MYH6: variants seen among roughly 807,000 people sequenced by gnomAD.
The protein encoded by MYH6 is myosin heavy chain 6.
MYH6 carries 126 observed loss-of-function variants against 223.2 expected under a neutral mutation model. That is an observed-to-expected ratio of 0.56 (90% confidence interval 0.49 to 0.65). The LOEUF (loss-of-function observed/expected upper bound fraction) is 0.65, where lower values mean the gene tolerates loss of function less well. Among genes scored for constraint, MYH6 ranks in the 30% least tolerant of loss-of-function variants. The probability of loss-of-function intolerance (pLI) is 0.00; values close to 1 mark genes in which losing one functional copy is unlikely to be tolerated. For missense variants in MYH6, 2,040 were observed against 2,536.4 expected, an observed-to-expected ratio of 0.80 and a Z score of 4.20; for synonymous variants, 978 against 1,010.2, an observed-to-expected ratio of 0.97 and a Z score of 0.61.
At chr14:23,386,801 G>T (rs764617093) in intron 32 of MYH6, among the ~76,000 whole-genome samples, 178 bp from the exon 33 acceptor site, 21 of 152,152 alleles carry the variant, frequency 1.4e-4, no homozygotes, top group Non-Finnish European at 2.9e-4. Context: ...GAAAGTGCTG[G>T]ACTCTCTGGG....
At chr14:23,402,674 G>A (rs200656077) in intron 11 of MYH6, 23 bp downstream of exon 11, 1 of 1,613,554 alleles carries the variant, frequency 6.2e-7, no homozygotes, top group Non-Finnish European at 8.5e-7. Context: ...CCCTCGAACG[G>A]CCGCAGCAGC....
chr14:23,389,072 G>GGGC lies in MYH6; in HGVS notation c.3979-18_3979-17insGCC. ...GTTCTTCGCCTGGGGAGGGGGGGGG[G>GGGC]CACCAGGAGGTGGGAGGGACTCCCT... On this transcript the variant is annotated splice_polypyrimidine_tract_variant and intron_variant, in intron 28 of 38. Coordinates refer to ENST00000405093, the MANE Select transcript of MYH6 (RefSeq NM_002471.4). 1.8e-6 allele frequency: 2 copies of GGGC among 1,135,178 alleles called. No homozygotes were observed. The highest frequency in any genetic ancestry group is 2.6e-6 in the Non-Finnish European group (2 of 774,158). 70.3% of individuals were successfully genotyped at this position (1,135,178 alleles called of 1,614,324 possible).
In MYH6 at chr14:23,397,562, G is replaced by A. The variant is rs2138605581; in HGVS notation, c.1943C>T (p.Thr648Met). 1.2e-6 allele frequency: 2 copies of A among 1,614,202 alleles called. No homozygotes were observed. Among genetic ancestry groups the A allele is most frequent in the Non-Finnish European group, 8.5e-7 (1 of 1,180,046 alleles). Residue 648 changes from threonine to methionine, a missense_variant, in exon 16 of 39, where the codon ACG (threonine) becomes ATG (methionine). By Grantham distance (81) the Thr-to-Met change is moderately conservative (BLOSUM62 -1). Transcript: ENST00000405093. ...GGKKKGSSFQ[T>M]VSALHRENLN... is the part of the protein sequence containing the mutation. Reference sequence around the variant, plus strand: ...TCTTACCCGGTGGAGAGCCGACACCGTCTGGAAGGATGAGCCCTTTTTCTT... The same window carrying A: ...TCTTACCCGGTGGAGAGCCGACACCATCTGGAAGGATGAGCCCTTTTTCTT...
chr14:23,393,890 CATT>C lies in MYH6; in HGVS notation c.2701_2703del (p.Asn901del). The C allele has an allele frequency of 6.2e-7, 1 of 1,614,170 alleles. No homozygotes were observed. The highest frequency in any genetic ancestry group is 1.1e-5 in the South Asian group (1 of 91,078). On this transcript the variant is annotated inframe_deletion, in exon 22 of 39. Coordinates refer to ENST00000405093, the MANE Select transcript of MYH6 (RefSeq NM_002471.4). ...AGCTGGTCGCAGCGCTCCTCAGCAT[CATT>C]GAGGTTGTCTTGTTCCTGGGAGAAG...
rs1031590129 is a variant in MYH6 at position 23,400,925 on chromosome 14, C to T, written c.1194G>A (p.Lys398=). Residue 398 remains lysine (K), a synonymous_variant, in exon 13 of 39, where the codon AAG becomes AAA. Coordinates refer to ENST00000405093, the MANE Select transcript of MYH6 (RefSeq NM_002471.4). The part of the protein sequence containing the change: ...LMGLNSADLL[K]GLCHPRVKVG... ...CTTTCACCCGAGGGTGGCACAGCCC[C>T]TTGAGCAGGTCAGCTGAGTTCAGCC... is the stretch of plus-strand genomic sequence containing the variant. 3.7e-6 allele frequency: 6 copies of T among 1,614,134 alleles called. No individual in the cohort carries two copies. Among genetic ancestry groups the T allele is most frequent in the Non-Finnish European group, 4.2e-6 (5 of 1,180,050 alleles).
At chr14:23,391,478 G>A (rs1465638718) in intron 25 of MYH6, among the ~76,000 whole-genome samples, 2 of 152,230 alleles carry the variant, frequency 1.3e-5, no homozygotes, top group Non-Finnish European at 2.9e-5. Flanking sequence ...AAACCCAGAA[G>A]GGGCATCCAA....
Position 23,387,852 on chromosome 14 carries a change from G to C in MYH6, c.4431C>G (p.Arg1477=). Residue 1477 remains arginine, a synonymous_variant, in exon 31 of 39, where the codon CGC becomes CGG. Transcript: ENST00000405093. Reference sequence around the variant, plus strand: ...GCTTGAAGAGCTCTGTGCTGAGGGAGCGAGCCTCCTTCTGTGAGGACTCCA... The same window carrying C: ...GCTTGAAGAGCTCTGTGCTGAGGGACCGAGCCTCCTTCTGTGAGGACTCCA... ...SELESSQKEA[R]SLSTELFKLK... The C allele has an allele frequency of 6.2e-7, 1 of 1,614,092 alleles. No individual in the cohort carries two copies. Among genetic ancestry groups the C allele is most frequent in the East Asian group, 2.2e-5 (1 of 44,852 alleles).
Position 23,397,083 on chromosome 14 carries a change from G to C in MYH6, c.2051-3C>G. ...GACCAGGGGGTTGTCCATCACCCCT[G>C]TGTCAGGAGGGAAGGGGAAAGGGTC... On this transcript the variant is annotated splice_region_variant and splice_polypyrimidine_tract_variant and intron_variant, in intron 17 of 38. Transcript: ENST00000405093. The C allele has an allele frequency of 1.2e-6, 2 of 1,614,218 alleles. No homozygotes were observed. Among genetic ancestry groups the C allele is most frequent in the Non-Finnish European group, 1.7e-6 (2 of 1,180,032 alleles).
intron 14 of MYH6, 23 bp downstream of exon 14, chr14:23,400,233 A>G (rs1173692254): frequency 6.2e-7 from 1 of 1,614,182 alleles, no homozygotes; most frequent in East Asian, 2.2e-5. Flanking sequence ...GAGGGGGCAT[A>G]GGTGGTGAGG....
intron 13 of MYH6, 133 bp from the exon 14 acceptor site, chr14:23,400,559 C>CCCCTGAAG: frequency 6.3e-7 from 1 of 1,579,792 alleles, no homozygotes; most frequent in Admixed American, 1.8e-5. Context: ...AGGAGGGCTT[C>CCCCTGAAG]CCCTGAAGAC....
chr14:23,397,136 G>T (rs1003451702), intron 17 of MYH6, 34 bp downstream of exon 17: 2 of 1,614,052 alleles, frequency 1.2e-6, no homozygotes, highest in Non-Finnish European at 1.7e-6. Context: ...GATGCCAGCT[G>T]TCCTCCCCAG....
chr14:23,398,637 G>A lies in MYH6; in HGVS notation c.1891+91C>T, dbSNP rs543914631. On this transcript the variant is annotated intron_variant, in intron 15 of 38. Coordinates refer to ENST00000405093, the MANE Select transcript of MYH6 (RefSeq NM_002471.4). ...TTGACTCATGGGCTCCCCTGTGCCT[G>A]CCTATGGAGTCATGTGCTTTGAAGC... 114 of 1,470,848 alleles carry A rather than the reference G, an allele frequency of 7.8e-5. No individual in the cohort carries two copies. In the East Asian group the frequency reaches 2.5e-3, roughly 32 times the overall value. 91.1% of individuals were successfully genotyped at this position (1,470,848 alleles called of 1,614,324 possible). A position where few individuals can be genotyped will look rare whatever the true frequency, so the allele number is the denominator to read the frequency against.
In MYH6 at chr14:23,384,517, G is replaced by C. The variant is rs201209864; in HGVS notation, c.5490C>G (p.Ala1830=). The C allele has an allele frequency of 9.3e-6, 15 of 1,612,992 alleles. No homozygotes were observed. The African/African-American group carries it at 1.7e-4, about 19-fold the overall frequency. ...CCGACTCTGCGTTGCGCTTCTGCTC[G>C]GCCTCCAGCTCACCCTCCAGCTCCC... ...RVRELEGELE[A]EQKRNAESVK... is the part of the protein sequence containing the mutation. Residue 1830 remains alanine, a synonymous_variant, in exon 36 of 39, where the codon GCC becomes GCG. Coordinates refer to ENST00000405093, the MANE Select transcript of MYH6 (RefSeq NM_002471.4).
rs576154116 is a variant in MYH6 at position 23,404,319 on chromosome 14, G to A, written c.712C>T (p.Arg238Trp). 9.3e-6 allele frequency: 15 copies of A among 1,614,222 alleles called. No individual in the cohort carries two copies. Among genetic ancestry groups the A allele is most frequent in the Admixed American group, 5.0e-5 (3 of 60,030 alleles). The stretch of plus-strand genomic sequence containing the variant: ...ACAAAGCGGGAGGAGTTGTCGTTCC[G>A]GACAGTCTTGGCATTGCCGAAGGCC... ...LEAFGNAKTV[R>W]NDNSSRFGKF... is the part of the protein sequence containing the mutation. Residue 238 changes from arginine to tryptophan, a missense_variant, in exon 8 of 39, where the codon CGG becomes TGG. Transcript: ENST00000405093.
At chr14:23,386,694 C>T (rs1177522035) in intron 32 of MYH6, 71 bp from the exon 33 acceptor site, 6 of 1,522,074 alleles carry the variant, frequency 3.9e-6, no homozygotes, top group Non-Finnish European at 5.3e-6. Flanking sequence ...TGAGAAGATA[C>T]ACGGTGTCAG....
At position 23,392,617 on chromosome 14, in the gene MYH6, A is replaced by G. The variant is rs762901493; in HGVS notation, c.3287T>C (p.Ile1096Thr). The change falls in exon 25 of 39, where the codon ATT becomes ACT. Residue 1096 changes from isoleucine (I) to threonine (T), a missense_variant. Transcript: ENST00000405093. ...EFDINQQNSK[I>T]EDEQVLALQL... Reference sequence around the variant, plus strand: ...AAGGGCCAGCACCTGCTCATCCTCAATCTTACTGTTCTGCTGATTAATGTC... The same window carrying G: ...AAGGGCCAGCACCTGCTCATCCTCAGTCTTACTGTTCTGCTGATTAATGTC... 2.6e-5 allele frequency: 39 copies of G among 1,511,100 alleles called. No homozygotes were observed. Among genetic ancestry groups the G allele is most frequent in the African/African-American group, 3.1e-5 (2 of 63,498 alleles). 93.6% of individuals were successfully genotyped at this position (1,511,100 alleles called of 1,614,324 possible).
chr14:23,383,339 G>GGGGGGGGGGGGGA lies in MYH6; in HGVS notation c.5566-20_5566-19insTCCCCCCCCCCCC. On this transcript the variant is annotated intron_variant, in intron 36 of 38. Coordinates refer to ENST00000405093, the MANE Select transcript of MYH6 (RefSeq NM_002471.4). Reference sequence around the variant, plus strand: ...CCTCTGTCTGGGGGTGGGAGGGTGGGAGAAGCTGGTTTGGAGGGGGAGCAA... The same window carrying GGGGGGGGGGGGGA: ...CCTCTGTCTGGGGGTGGGAGGGTGGGGGGGGGGGGGGGAAGAAGCTGGTTTGGAGGGGGAGCAA... 1.8e-5 allele frequency: 2 copies of GGGGGGGGGGGGGA among 108,178 alleles called. No individual in the cohort carries two copies. Among genetic ancestry groups the GGGGGGGGGGGGGA allele is most frequent in the Admixed American group, 1.6e-4 (1 of 6,386 alleles). The allele number at this position is 108,178 out of a possible 1,614,324, so 6.7% of individuals were successfully genotyped here.
In MYH6 at chr14:23,407,035, G is replaced by A. The variant is rs758633104; in HGVS notation, c.189C>T (p.Thr63=). 31 of 1,614,060 alleles carry A rather than the reference G, an allele frequency of 1.9e-5. No individual in the cohort carries two copies. In the East Asian group the frequency reaches 2.9e-4, roughly 15 times the overall value. ...ATGCCCTACTCACCTTCCCATTCTC[G>A]GTTTCAGCAATGACCTTGCCTCCCT... ...SREGGKVIAE[T]ENGKTVTVKE... The change falls in exon 3 of 39, where the codon ACC becomes ACT. Residue 63 remains threonine, a synonymous_variant. Transcript: ENST00000405093. The surrounding 1 kb of genome is among the most constrained non-coding windows in gnomAD (Gnocchi z 5.6).
Position 23,407,310 on chromosome 14 carries a change from G to T in MYH6, c.-13-74C>A. On this transcript the variant is annotated intron_variant, in intron 2 of 38. Coordinates refer to ENST00000405093, the MANE Select transcript of MYH6 (RefSeq NM_002471.4). The surrounding 1 kb of genome is among the most constrained non-coding windows in gnomAD (Gnocchi z 5.6). Reference sequence around the variant, plus strand: ...CCAGCGAGTGGCTTTGTCCTCTGCAGCCCCCCTCCCTACCCCCGCTCCTCT... The same window carrying T: ...CCAGCGAGTGGCTTTGTCCTCTGCATCCCCCCTCCCTACCCCCGCTCCTCT... 6.5e-7 allele frequency: 1 copy of T among 1,544,386 alleles called. No individual in the cohort carries two copies. The highest frequency in any genetic ancestry group is 8.9e-7 in the Non-Finnish European group (1 of 1,125,128).
Sources: allele counts gnomAD v4.1 joint callset (sites outside exome capture counted in the v4.1 genomes callset), GRCh38; gene constraint gnomAD v4.1.1; non-coding constraint Gnocchi (gnomAD v3.1); transcripts MANE v1.5; gene names NCBI Gene and HGNC (gene_info 2026-07-23, HGNC 2026-07-21).